HCN1: variants seen among roughly 807,000 people sequenced by gnomAD.
HCN1 encodes hyperpolarization activated cyclic nucleotide gated potassium channel 1.
Under a neutral mutation model 78.9 loss-of-function variants are expected in HCN1, and 13 were observed. The ratio of observed to expected loss-of-function variants is 0.16; its 90% confidence interval spans 0.11 to 0.26. The LOEUF (loss-of-function observed/expected upper bound fraction) is 0.26. HCN1 is among the 10% of genes least tolerant of loss of function. The probability of loss-of-function intolerance (pLI) is 1.00; values close to 1 mark genes in which losing one functional copy is unlikely to be tolerated. For missense variants in HCN1, 810 were observed against 1,154.3 expected, an observed-to-expected ratio of 0.70 and a Z score of 4.32; for synonymous variants, 552 against 455.5, an observed-to-expected ratio of 1.21 and a Z score of -2.70.
intron 3 of HCN1, among the ~76,000 whole-genome samples, chr5:45,412,732 T>G (rs551160188): frequency 1.4e-5 from 2 of 145,014 alleles, no homozygotes; most frequent in Non-Finnish European, 3.0e-5. Context: ...TTTGCCCCAG[T>G]AGGGTTCAGG....
intron 2 of HCN1, among the ~76,000 whole-genome samples, chr5:45,502,315 AAACAAAAC>A (rs1042003334): frequency 2.0e-5 from 3 of 151,868 alleles, no homozygotes; most frequent in African/African-American, 7.3e-5. Flanking sequence ...TAAAAAAAAA[AAACAAAAC>A]AACAAAAAAA....
At chr5:45,561,559 G>T (rs950710962) in intron 2 of HCN1, among the ~76,000 whole-genome samples, 1 of 149,600 alleles carries the variant, frequency 6.7e-6, no homozygotes, top group Non-Finnish European at 1.5e-5. Flanking sequence ...GCATAGAAAA[G>T]AATTTGACTG....
intron 4 of HCN1, among the ~76,000 whole-genome samples, chr5:45,375,845 TATA>T (rs1393959514): frequency 1.7e-5 from 2 of 120,922 alleles, no homozygotes; most frequent in South Asian, 2.4e-4. Context: ...TTATATATAA[TATA>T]ATATTTTATG....
intron 3 of HCN1, among the ~76,000 whole-genome samples, chr5:45,460,075 G>T (rs929428288): frequency 6.6e-6 from 1 of 152,070 alleles, no homozygotes; most frequent in African/African-American, 2.4e-5. Context: ...AAGTGACTAA[G>T]TCACAACAAA....
chr5:45,266,704 A>ACTTTTT (rs1554014620), intron 7 of HCN1, among the ~76,000 whole-genome samples: 1 of 136,638 alleles, frequency 7.3e-6, no homozygotes. Flanking sequence ...GGCATGTGGG[A>ACTTTTT]TTTTTTTTTT....
intron 2 of HCN1, among the ~76,000 whole-genome samples, chr5:45,514,147 TCTC>T (rs1372966686): frequency 3.3e-5 from 5 of 152,168 alleles, no homozygotes; most frequent in Non-Finnish European, 5.9e-5. Flanking sequence ...CAAAATTTCT[TCTC>T]CTTATTTTCT....
At chr5:45,671,637 T>G (rs941065862) in intron 1 of HCN1, among the ~76,000 whole-genome samples, 11 of 151,502 alleles carry the variant, frequency 7.3e-5, no homozygotes, top group African/African-American at 2.7e-4. Context: ...ACTTGTCAGA[T>G]AAAAAAATAT....
intron 5 of HCN1, among the ~76,000 whole-genome samples, chr5:45,319,140 T>C (rs1023296748): frequency 1.2e-4 from 19 of 152,020 alleles, no homozygotes; most frequent in African/African-American, 4.3e-4. Context: ...AAAATAAATG[T>C]CAGCTAAAAA....
chr5:45,601,963 G>A (rs1241424717), intron 2 of HCN1, among the ~76,000 whole-genome samples: 1 of 152,006 alleles, frequency 6.6e-6, no homozygotes, highest in Non-Finnish European at 1.5e-5. Flanking sequence ...GAATCATGGG[G>A]GTGGTTTCCC....
chr5:45,580,021 A>C (rs1744027218), intron 2 of HCN1, among the ~76,000 whole-genome samples: 1 of 152,092 alleles, frequency 6.6e-6, no homozygotes, highest in Non-Finnish European at 1.5e-5. Context: ...AAAGATATAT[A>C]CTGGAGTCGC....
intron 2 of HCN1, among the ~76,000 whole-genome samples, chr5:45,496,071 T>A (rs1452515624): frequency 6.6e-6 from 1 of 152,174 alleles, no homozygotes; most frequent in African/African-American, 2.4e-5. Context: ...TCTTTTTTGG[T>A]TGTGTCTCTG....
intron 2 of HCN1, among the ~76,000 whole-genome samples, chr5:45,592,094 A>G (rs1744376140): frequency 1.3e-5 from 2 of 152,074 alleles, no homozygotes; most frequent in Admixed American, 1.3e-4. Context: ...ATTGTCAAAA[A>G]TTACTTGACT....
At chr5:45,558,386 T>TG (rs1318104342) in intron 2 of HCN1, 1 of 152,048 alleles carries the variant, frequency 6.6e-6, no homozygotes, top group Non-Finnish European at 1.5e-5. Context: ...AACATAAAAG[T>TG]GTAAGATAAA....
intron 2 of HCN1, among the ~76,000 whole-genome samples, chr5:45,605,319 C>T (rs1235403589): frequency 6.6e-6 from 1 of 151,800 alleles, no homozygotes; most frequent in Non-Finnish European, 1.5e-5. Flanking sequence ...TTTTCTAGAA[C>T]TTATTCTCCA....
chr5:45,645,332 A>G lies in HCN1; in HGVS notation c.702T>C (p.Tyr234=), dbSNP rs370083488. The stretch of plus-strand genomic sequence containing the variant: ...TTCCTTTTTCTACAATAAGAAAGAT[A>G]TAATCCACTGGGATGGATGAGATGA... ...VDFISSIPVD[Y]IFLIVEKGMD... Residue 234 remains tyrosine, a synonymous_variant, in exon 2 of 8, where the codon TAT becomes TAC. Transcript: ENST00000303230. 89 of 1,613,540 alleles carry G rather than the reference A, an allele frequency of 5.5e-5. No individual in the cohort carries two copies. Among genetic ancestry groups the G allele is most frequent in the Non-Finnish European group, 7.5e-5 (88 of 1,179,824 alleles).
At chr5:45,566,827 T>C (rs1315906783) in intron 2 of HCN1, among the ~76,000 whole-genome samples, 3 of 152,208 alleles carry the variant, frequency 2.0e-5, no homozygotes, top group Non-Finnish European at 4.4e-5. Context: ...TCATATGGTT[T>C]CTTGTGCAAC....
intron 1 of HCN1, among the ~76,000 whole-genome samples, chr5:45,694,078 A>T (rs1739961751): frequency 6.6e-6 from 1 of 152,190 alleles, no homozygotes; most frequent in Non-Finnish European, 1.5e-5. Context: ...AACCTTATAC[A>T]TCTTAGAACA....
rs767523812 is a variant in HCN1, at chr5:45,262,247, C to G, written c.2347G>C (p.Val783Leu). The part of the protein sequence containing the change: ...ALHNTNLTRE[V>L]RPLSASQPSL... ...GGCTGCGAGGCGGAGAGTGGCCTGA[C>G]TTCCCGGGTCAGGTTGGTGTTGTGA... The change falls in exon 8 of 8, where the codon GTC becomes CTC. Residue 783 changes from valine to leucine, a missense_variant. By Grantham distance (32) the Val-to-Leu change is conservative (BLOSUM62 1). Transcript: ENST00000303230. 3 of 1,614,054 alleles carry G rather than the reference C, an allele frequency of 1.9e-6. No homozygotes were observed. Among genetic ancestry groups the G allele is most frequent in the Non-Finnish European group, 2.5e-6 (3 of 1,180,040 alleles).
Position 45,526,743 on chromosome 5 carries a change from C to G in HCN1, c.850-64736G>C, listed in dbSNP as rs367742364. 2.0e-5 allele frequency among the ~76,000 whole-genome samples: 3 copies of G among 152,192 alleles called. No individual in the cohort carries two copies. The East Asian group carries it at 5.8e-4, about 29-fold the overall frequency. Reference sequence around the variant, plus strand: ...AGCTGGGGATTTCATGTCAACCTCTCCTGTACTGCCAATCCACTTGAGCTC... The same window carrying G: ...AGCTGGGGATTTCATGTCAACCTCTGCTGTACTGCCAATCCACTTGAGCTC... On this transcript the variant is annotated intron_variant, in intron 2 of 7. Transcript: ENST00000303230.
Sources: gnomAD v4.1 joint callset for allele counts (sites outside exome capture counted in the v4.1 genomes callset) on GRCh38, gnomAD v4.1.1 for gene constraint, MANE v1.5 for transcripts, NCBI Gene and HGNC (gene_info 2026-07-23, HGNC 2026-07-21) for gene names.